The following SRSF12 variants were observed in gnomAD, a reference collection of about 807,000 sequenced individuals.
SRSF12 encodes serine and arginine rich splicing factor 12.
A neutral mutation model predicts 34.1 loss-of-function variants in SRSF12; 21 were observed. The ratio of observed to expected loss-of-function variants is 0.62; its 90% CI spans 0.44 to 0.89. The LOEUF (loss-of-function observed/expected upper bound fraction) is 0.89. SRSF12 is among the 40% of genes least tolerant of loss of function. The probability of loss-of-function intolerance (pLI) is 0.00; values close to 1 mark genes in which losing one functional copy is unlikely to be tolerated. For synonymous variants in SRSF12, 111 were observed against 110.8 expected, an observed-to-expected ratio of 1.00 and a Z score of -0.01; for missense variants, 278 against 327.8, an observed-to-expected ratio of 0.85 and a Z score of 1.17.
At chr6:89,117,303 C>T (rs868164864) in intron 1 of SRSF12, among the ~76,000 whole-genome samples, 34 of 152,348 alleles carry the variant, frequency 2.2e-4, no homozygotes, top group Middle Eastern at 3.4e-3. Flanking sequence ...GCAAGCAGCA[C>T]CGTCTGTAAG....
intron 1 of SRSF12, among the ~76,000 whole-genome samples, chr6:89,109,620 G>C (rs1340570815): frequency 6.6e-6 from 1 of 152,200 alleles, no homozygotes; most frequent in African/African-American, 2.4e-5. Flanking sequence ...TCTGGAGTCT[G>C]GAAGCCAAGG....
intron 4 of SRSF12, 117 bp from the exon 5 acceptor site, chr6:89,099,064 C>G: frequency 8.0e-7 from 1 of 1,254,816 alleles, no homozygotes; most frequent in Non-Finnish European, 1.1e-6. Flanking sequence ...ACTAGATAAG[C>G]TAAAAAAATT....
At position 89,117,979 on chromosome 6, in the gene SRSF12, G is replaced by A; in HGVS notation, c.-92C>T. 7.2e-6 allele frequency: 10 copies of A among 1,380,550 alleles called. No homozygotes were observed. Among genetic ancestry groups the A allele is most frequent in the South Asian group, 4.0e-5 (3 of 75,302 alleles). 85.5% of individuals were successfully genotyped at this position (1,380,550 alleles called of 1,614,324 possible). A position where few individuals can be genotyped will look rare whatever the true frequency, so the allele number is the denominator to read the frequency against. ...CTGCTACCACCACAGGAGCTCCGCCGGCCCCCGGCGCGACCCCCACCCCTC... is the reference window on the plus strand; with the variant it reads ...CTGCTACCACCACAGGAGCTCCGCCAGCCCCCGGCGCGACCCCCACCCCTC... On this transcript the variant is annotated 5_prime_UTR_variant, in exon 1 of 5. Transcript: ENST00000452027.
intron 2 of SRSF12, chr6:89,106,543 T>C (rs1480044414): frequency 1.3e-5 from 2 of 157,970 alleles, no homozygotes; most frequent in Non-Finnish European, 2.8e-5. Context: ...AATTATATAA[T>C]ATTAAACCTA....
Position 89,098,483 on chromosome 6 carries a change from T to C in SRSF12, c.*95A>G. On this transcript the variant is annotated 3_prime_UTR_variant, in exon 5 of 5. Transcript: ENST00000452027. ...TATGCCCAAAGTAACTAATATCAACTCGCATTTTCTGTATGCCTTAAAGAA... is the reference window on the plus strand; with the variant it reads ...TATGCCCAAAGTAACTAATATCAACCCGCATTTTCTGTATGCCTTAAAGAA... 7.0e-7 allele frequency: 1 copy of C among 1,430,582 alleles called. No individual in the cohort carries two copies. Among genetic ancestry groups the C allele is most frequent in the Non-Finnish European group, 9.3e-7 (1 of 1,079,250 alleles). The allele number at this position is 1,430,582 out of a possible 1,614,324, so 88.6% of individuals were successfully genotyped here.
chr6:89,117,719 C>A, intron 1 of SRSF12, 104 bp downstream of exon 1: 1 of 1,183,640 alleles, frequency 8.4e-7, no homozygotes, highest in Non-Finnish European at 1.1e-6. Context: ...GGGGAGGCTC[C>A]GCGCAGCTCC....
chr6:89,112,775 A>G (rs923668348), intron 1 of SRSF12, among the ~76,000 whole-genome samples: 1 of 152,156 alleles, frequency 6.6e-6, no homozygotes, highest in Admixed American at 6.5e-5. Context: ...TATGCACCAC[A>G]TAACAATGTT....
rs368811340 is a variant in SRSF12, at chr6:89,110,931, CAT to C, written c.66-3675_66-3674del. On this transcript the variant is annotated intron_variant, in intron 1 of 4. Coordinates refer to ENST00000452027, the MANE Select transcript of SRSF12 (RefSeq NM_080743.5). ...AGGAGTTCAAGATCAGCCTGAGCAA[CAT>C]AGTGAGACCCCCATCTCTACAAAAA... Among the ~76,000 whole-genome samples the C allele has an allele frequency of 1.2e-3, 188 of 152,014 alleles. No homozygotes were observed. In the East Asian group the frequency reaches 0.019, roughly 15 times the overall value.
intron 2 of SRSF12, among the ~76,000 whole-genome samples, chr6:89,106,232 C>G (rs896375497): frequency 2.0e-5 from 3 of 152,094 alleles, no homozygotes; most frequent in African/African-American, 4.8e-5. Context: ...CCCGCCTCAG[C>G]CTTCCAAGTA....
At chr6:89,101,518 T>C (rs895435515) in intron 4 of SRSF12, among the ~76,000 whole-genome samples, 1 of 152,022 alleles carries the variant, frequency 6.6e-6, no homozygotes, top group Non-Finnish European at 1.5e-5. Context: ...GGTCAGGAGT[T>C]CCAGACCAGC....
chr6:89,112,167 C>A (rs1460227540), intron 1 of SRSF12, among the ~76,000 whole-genome samples: 57 of 152,080 alleles, frequency 3.7e-4, no homozygotes, highest in Non-Finnish European at 7.4e-5. Context: ...CCGCCCGCCT[C>A]GGCCTCCCAA....
intron 1 of SRSF12, among the ~76,000 whole-genome samples, chr6:89,108,358 G>A (rs553078634): frequency 6.6e-6 from 1 of 152,300 alleles, no homozygotes; most frequent in Admixed American, 6.5e-5. Flanking sequence ...GACAGATTAT[G>A]GGTGATACAG....
chr6:89,115,631 CTTTTTTTTTTT>C (rs760005395), intron 1 of SRSF12, among the ~76,000 whole-genome samples: 3 of 129,002 alleles, frequency 2.3e-5, no homozygotes, highest in African/African-American at 3.1e-5. Context: ...TTTTTTCTTT[CTTTTTTTTTTT>C]TTTTTTTTTT....
At position 89,096,119 on chromosome 6, in the gene SRSF12, T is replaced by C. The variant is rs940451039; in HGVS notation, c.*2459A>G. On this transcript the variant is annotated 3_prime_UTR_variant, in exon 5 of 5. Transcript: ENST00000452027. ...ATTTTCACCTAGTCACAAAAGTCAT[T>C]TTCATCGAAGCCTACAGTCATTCCT... The C allele has an allele frequency of 1.3e-5, 2 of 152,202 alleles. No individual in the cohort carries two copies. The highest frequency in any genetic ancestry group is 1.3e-4 in the Admixed American group (2 of 15,278). The allele number at this position is 152,202 out of a possible 1,614,324, so 9.4% of individuals were successfully genotyped here.
intron 4 of SRSF12, among the ~76,000 whole-genome samples, chr6:89,099,324 G>A (rs1398520271): frequency 6.6e-6 from 1 of 150,626 alleles, no homozygotes; most frequent in African/African-American, 2.4e-5. Context: ...CTAGATGTAG[G>A]ACTTTTGGGT....
intron 1 of SRSF12, among the ~76,000 whole-genome samples, chr6:89,111,733 C>A (rs1280984989): frequency 6.6e-6 from 1 of 152,064 alleles, no homozygotes. Context: ...AAAGCATTGT[C>A]TTTCATCATT....
intron 4 of SRSF12, among the ~76,000 whole-genome samples, chr6:89,099,187 G>T (rs1440332013): frequency 6.6e-6 from 1 of 151,704 alleles, no homozygotes; most frequent in Middle Eastern, 3.2e-3. Context: ...ATAGGGATCA[G>T]TTCTGAAAAA....
chr6:89,113,260 G>C (rs1228232720), intron 1 of SRSF12, among the ~76,000 whole-genome samples: 1 of 152,054 alleles, frequency 6.6e-6, no homozygotes, highest in Non-Finnish European at 1.5e-5. Flanking sequence ...TGCAACCTCT[G>C]CCTCCCAGGT....
intron 4 of SRSF12, among the ~76,000 whole-genome samples, chr6:89,101,345 A>T (rs1211280249): frequency 1.3e-5 from 2 of 152,236 alleles, no homozygotes; most frequent in East Asian, 3.9e-4. Flanking sequence ...CAATTTCAAA[A>T]AGCTCAATAA....
Sources: gnomAD v4.1 joint callset for allele counts (sites outside exome capture counted in the v4.1 genomes callset) on GRCh38, gnomAD v4.1.1 for gene constraint, MANE v1.5 for transcripts, NCBI Gene and HGNC (gene_info 2026-07-23, HGNC 2026-07-21) for gene names.